PTPRK: variants seen among roughly 807,000 people sequenced by gnomAD.
PTPRK encodes protein tyrosine phosphatase receptor type K.
PTPRK carries 75 observed loss-of-function variants against 178.0 expected under a neutral mutation model. The observed-to-expected ratio is 0.42, with a 90% CI of 0.35 to 0.51. The LOEUF is 0.51. Ranked by LOEUF, PTPRK falls within the 20% of genes least tolerant of loss-of-function variation. The pLI, the probability that PTPRK is intolerant of heterozygous loss-of-function variation, is 0.02. For missense variants in PTPRK, 1,441 were observed against 1,797.8 expected, an observed-to-expected ratio of 0.80 and a Z score of 3.59; for synonymous variants, 637 against 620.6, an observed-to-expected ratio of 1.03 and a Z score of -0.39.
At chr6:128,169,514 T>A (rs1799896481) in intron 7 of PTPRK, among the ~76,000 whole-genome samples, 1 of 152,164 alleles carries the variant, frequency 6.6e-6, no homozygotes, top group East Asian at 1.9e-4. Flanking sequence ...TGAAATGACT[T>A]GAAATAAAGT....
At chr6:128,108,864 C>T (rs926980016) in intron 7 of PTPRK, among the ~76,000 whole-genome samples, 7 of 152,036 alleles carry the variant, frequency 4.6e-5, no homozygotes, top group South Asian at 2.1e-4. Flanking sequence ...TGTCCTTACA[C>T]GACAGAGAAT....
chr6:127,985,679 A>T, intron 22 of PTPRK, 42 bp downstream of exon 22: 1 of 1,529,856 alleles, frequency 6.5e-7, no homozygotes, highest in Non-Finnish European at 8.9e-7. Context: ...CTCTAAAAAA[A>T]GCTGATTGCA....
intron 2 of PTPRK, among the ~76,000 whole-genome samples, chr6:128,392,411 C>A (rs994661659): frequency 6.6e-6 from 1 of 152,100 alleles, no homozygotes; most frequent in Non-Finnish European, 1.5e-5. Context: ...TCTCTAGAGA[C>A]TCTAAACTAA....
rs560136630 is a variant in PTPRK at position 128,073,229 on chromosome 6, A to C, written c.1884-5437T>G. ...CTGTTACATATCATGAATTATTTTA[A>C]GTACTGAGGTTAAAATAATGAAGAT... On this transcript the variant is annotated intron_variant, in intron 11 of 29. Transcript: ENST00000368226. 1.2e-4 allele frequency among the ~76,000 whole-genome samples: 18 copies of C among 152,202 alleles called. No homozygotes were observed. In the South Asian group the frequency reaches 2.1e-3, roughly 18 times the overall value.
chr6:128,432,112 C>T (rs1418936568), intron 1 of PTPRK, among the ~76,000 whole-genome samples: 8 of 152,172 alleles, frequency 5.3e-5, no homozygotes, highest in Non-Finnish European at 8.8e-5. Context: ...CCATTGTGAT[C>T]ACCAACTACT....
chr6:128,486,449 G>A (rs146005846), intron 1 of PTPRK, among the ~76,000 whole-genome samples: 1 of 152,062 alleles, frequency 6.6e-6, no homozygotes, highest in Admixed American at 6.6e-5. Flanking sequence ...AAAAAATCAT[G>A]TTACTTCAAA....
intron 1 of PTPRK, among the ~76,000 whole-genome samples, chr6:128,435,684 G>C (rs992324133): frequency 1.3e-5 from 2 of 152,152 alleles, no homozygotes; most frequent in African/African-American, 4.8e-5. Context: ...AACTGTTAGA[G>C]ACTTCTCTTA....
At chr6:128,346,000 T>A (rs555345292) in intron 2 of PTPRK, among the ~76,000 whole-genome samples, 1 of 152,300 alleles carries the variant, frequency 6.6e-6, no homozygotes, top group South Asian at 2.1e-4. Context: ...AAGGTATATA[T>A]TTCAGGCTGT....
chr6:127,982,465 G>A lies in PTPRK; in HGVS notation c.3537+366C>T, dbSNP rs146400968. Among the ~76,000 whole-genome samples, 640 of 152,126 alleles carry A rather than the reference G, an allele frequency of 4.2e-3. 5 individuals carry two copies. Among genetic ancestry groups the A allele is most frequent in the African/African-American group, 0.014 (568 of 41,534 alleles). ...TTTTTTTTGTCTTTTTAGTAGAGAC[G>A]GGGTTTCACCGTGTTAGCCAGGATG... is the stretch of plus-strand genomic sequence containing the variant. On this transcript the variant is annotated intron_variant, in intron 24 of 29. Transcript: ENST00000368226.
At chr6:128,398,502 T>C (rs563755679) in intron 1 of PTPRK, among the ~76,000 whole-genome samples, 1 of 152,338 alleles carries the variant, frequency 6.6e-6, no homozygotes, top group South Asian at 2.1e-4. Flanking sequence ...TTAGTAACTT[T>C]AGTGGTGAGA....
chr6:128,233,809 C>A (rs1812741326), intron 5 of PTPRK, among the ~76,000 whole-genome samples: 2 of 152,206 alleles, frequency 1.3e-5, no homozygotes, highest in South Asian at 4.1e-4. Context: ...AGCCTCATTT[C>A]AATTCACCAA....
In PTPRK at chr6:128,520,407, G is replaced by T; in HGVS notation, c.-49C>A. 6.5e-7 allele frequency: 1 copy of T among 1,538,464 alleles called. No homozygotes were observed. The highest frequency in any genetic ancestry group is 2.4e-5 in the East Asian group (1 of 41,340). Reference sequence around the variant, plus strand: ...GCAGCTTTGCAAAGAGCTGCCGGGGGGATCGCCGCGAAATCCACGACGGAG... The same window carrying T: ...GCAGCTTTGCAAAGAGCTGCCGGGGTGATCGCCGCGAAATCCACGACGGAG... On this transcript the variant is annotated 5_prime_UTR_variant, in exon 1 of 30. Coordinates refer to ENST00000368226, the MANE Select transcript of PTPRK (RefSeq NM_002844.4).
intron 11 of PTPRK, 106 bp from the exon 12 acceptor site, chr6:128,067,898 C>CA: frequency 9.2e-7 from 1 of 1,091,774 alleles, no homozygotes; most frequent in Non-Finnish European, 1.2e-6. Flanking sequence ...CACCACATTT[C>CA]AAAGTATTTA....
At chr6:128,238,196 A>G (rs934946579) in intron 5 of PTPRK, 2 of 403,530 alleles carry the variant, frequency 5.0e-6, no homozygotes, top group Non-Finnish European at 9.4e-6. Flanking sequence ...AAAAAAAAAA[A>G]AAAAAAGAAA....
chr6:128,406,381 G>A (rs1841659565), intron 1 of PTPRK, among the ~76,000 whole-genome samples: 1 of 152,110 alleles, frequency 6.6e-6, no homozygotes, highest in Non-Finnish European at 1.5e-5. Flanking sequence ...CAATGTTTGG[G>A]TTTTTCAAAC....
At chr6:128,235,706 A>G in intron 5 of PTPRK, 1 of 394,904 alleles carries the variant, frequency 2.5e-6, no homozygotes, top group Non-Finnish European at 5.4e-6. Flanking sequence ...CTTGTTAGTC[A>G]TCGACATTGT....
At chr6:128,091,520 AG>A (rs1205756101) in intron 7 of PTPRK, among the ~76,000 whole-genome samples, 1 of 152,188 alleles carries the variant, frequency 6.6e-6, no homozygotes, top group Non-Finnish European at 1.5e-5. Context: ...GCTGCCTCCT[AG>A]GTAGCAACTG....
At chr6:128,273,816 A>T (rs557343430) in intron 3 of PTPRK, among the ~76,000 whole-genome samples, 1 of 152,196 alleles carries the variant, frequency 6.6e-6, no homozygotes, top group Non-Finnish European at 1.5e-5. Flanking sequence ...GTAATGTCTC[A>T]AAAGCACCTG....
Position 128,193,536 on chromosome 6 carries a change from G to A in PTPRK, c.869-8811C>T, listed in dbSNP as rs1804275905. ...TTAATTCAGGGTAGGAGAAAATTCT[G>A]ATGCTAAATATGCTGCTCTTCATAT... On this transcript the variant is annotated intron_variant, in intron 6 of 29. Coordinates refer to ENST00000368226, the MANE Select transcript of PTPRK (RefSeq NM_002844.4). Among the ~76,000 whole-genome samples the A allele has an allele frequency of 4.6e-5, 7 of 152,000 alleles. No individual in the cohort carries two copies. The South Asian group carries it at 1.2e-3, about 27-fold the overall frequency.
Sources: gnomAD v4.1 joint callset for allele counts (sites outside exome capture counted in the v4.1 genomes callset) on GRCh38, gnomAD v4.1.1 for gene constraint, MANE v1.5 for transcripts, NCBI Gene and HGNC (gene_info 2026-07-23, HGNC 2026-07-21) for gene names.